GID4: variants seen among roughly 807,000 people sequenced by gnomAD.
GID4 encodes the protein GID complex subunit 4 homolog.
Under a neutral mutation model 32.4 loss-of-function variants are expected in GID4, and 7 were observed. The ratio of observed to expected loss-of-function variants is 0.22; its 90% CI spans 0.12 to 0.41. GID4 has a LOEUF of 0.41. GID4 is among the 10% of genes least tolerant of loss of function. The pLI is 1.00. For synonymous variants in GID4, 166 were observed against 170.0 expected (o/e 0.98, Z 0.18); for missense variants, 309 against 400.0 (o/e 0.77, Z 1.94).
At chr17:18,062,070 T>C in intron 5 of GID4, 95 bp downstream of exon 5, 2 of 1,189,712 alleles carry the variant, frequency 1.7e-6, no homozygotes, top group Non-Finnish European at 2.5e-6. Flanking sequence ...TCTTAGCCTG[T>C]CTCTGTATAG....
At chr17:18,055,456 G>T (rs1185599522) in intron 3 of GID4, among the ~76,000 whole-genome samples, 2 of 152,038 alleles carry the variant, frequency 1.3e-5, no homozygotes, top group Non-Finnish European at 2.9e-5. Flanking sequence ...CAGTTGCTTT[G>T]CTTACTAATG....
At chr17:18,051,257 T>C (rs755714158) in intron 2 of GID4, among the ~76,000 whole-genome samples, 3 of 152,102 alleles carry the variant, frequency 2.0e-5, no homozygotes, top group Non-Finnish European at 4.4e-5. Flanking sequence ...CCTCCTGTCT[T>C]GGCCCCCTAG....
rs920756486 is a variant in GID4 at position 18,065,766 on chromosome 17, A to G, written c.*523A>G. The G allele has an allele frequency of 3.2e-5, 6 of 190,462 alleles. No individual in the cohort carries two copies. Among genetic ancestry groups the G allele is most frequent in the African/African-American group, 1.4e-4 (6 of 42,070 alleles). 11.8% of individuals were successfully genotyped at this position (190,462 alleles called of 1,614,324 possible). On this transcript the variant is annotated 3_prime_UTR_variant, in exon 6 of 6. Coordinates refer to ENST00000268719, the MANE Select transcript of GID4 (RefSeq NM_024052.5). ...CATCATCGGCCACCAAGGGCACAAG[A>G]GGCGGAGGCTCCAGTCCCTGCTGGG... is the stretch of plus-strand genomic sequence containing the variant.
chr17:18,049,703 A>G (rs2044891805), intron 2 of GID4, among the ~76,000 whole-genome samples: 1 of 151,856 alleles, frequency 6.6e-6, no homozygotes, highest in Non-Finnish European at 1.5e-5. Flanking sequence ...CAGTGGTGCA[A>G]TATCTGCTCA....
rs545542437 is a variant in GID4, at chr17:18,065,770, G to A, written c.*527G>A. On this transcript the variant is annotated 3_prime_UTR_variant, in exon 6 of 6. Coordinates refer to ENST00000268719, the MANE Select transcript of GID4 (RefSeq NM_024052.5). ...ATCGGCCACCAAGGGCACAAGAGGCGGAGGCTCCAGTCCCTGCTGGGCTGC... is the reference window on the plus strand; with the variant it reads ...ATCGGCCACCAAGGGCACAAGAGGCAGAGGCTCCAGTCCCTGCTGGGCTGC... The A allele has an allele frequency of 6.3e-5, 12 of 189,930 alleles. No homozygotes were observed. Among genetic ancestry groups the A allele is most frequent in the African/African-American group, 2.1e-4 (9 of 42,160 alleles). 11.8% of individuals were successfully genotyped at this position (189,930 alleles called of 1,614,324 possible).
intron 3 of GID4, 82 bp from the exon 4 acceptor site, chr17:18,058,785 GT>G: frequency 1.1e-6 from 1 of 879,330 alleles, no homozygotes. Flanking sequence ...GGGAAGGTGA[GT>G]TTACCTGGGC....
intron 1 of GID4, among the ~76,000 whole-genome samples, chr17:18,042,604 A>C (rs1414284654): frequency 1.3e-5 from 2 of 152,256 alleles, no homozygotes; most frequent in Non-Finnish European, 1.5e-5. Flanking sequence ...GCTACTATGA[A>C]TAATACTGCT....
At position 18,057,941 on chromosome 17, in the gene GID4, C is replaced by T. The variant is rs551922668; in HGVS notation, c.607-927C>T. 2.0e-5 allele frequency among the ~76,000 whole-genome samples: 3 copies of T among 152,156 alleles called. No individual in the cohort carries two copies. In the East Asian group the frequency reaches 5.8e-4, roughly 29 times the overall value. On this transcript the variant is annotated intron_variant, in intron 3 of 5. Coordinates refer to ENST00000268719, the MANE Select transcript of GID4 (RefSeq NM_024052.5). ...CTCCGCCTCCCGGGTTCACGCCATT[C>T]TCCTCCTCAGCCTCCCAAGTAGCTG...
At chr17:18,048,310 C>T (rs770496452) in intron 2 of GID4, among the ~76,000 whole-genome samples, 72 of 152,158 alleles carry the variant, frequency 4.7e-4, no homozygotes, top group Admixed American at 8.5e-4. Flanking sequence ...ATTCTCCTGC[C>T]TCAGCCTCCC....
chr17:18,049,429 T>TTTTG (rs1208043336), intron 2 of GID4, among the ~76,000 whole-genome samples: 8 of 151,972 alleles, frequency 5.3e-5, no homozygotes, highest in Non-Finnish European at 8.8e-5. Context: ...AGCACAGCTT[T>TTTTG]TTTGTTTGTT....
chr17:18,068,171 G>A lies in GID4; in HGVS notation c.*2928G>A, dbSNP rs2045085050. 1 of 152,536 alleles carries A rather than the reference G, an allele frequency of 6.6e-6. No individual in the cohort carries two copies. The highest frequency in any genetic ancestry group is 6.6e-5 in the Admixed American group (1 of 15,262). The allele number at this position is 152,536 out of a possible 1,614,324, so 9.4% of individuals were successfully genotyped here. On this transcript the variant is annotated 3_prime_UTR_variant, in exon 6 of 6. Coordinates refer to ENST00000268719, the MANE Select transcript of GID4 (RefSeq NM_024052.5). Reference sequence around the variant, plus strand: ...TTTTTAAAAAGAAATGCCATTAACTGTGTTGTATCGTGGTTTAAAATTACT... The same window carrying A: ...TTTTTAAAAAGAAATGCCATTAACTATGTTGTATCGTGGTTTAAAATTACT...
At chr17:18,058,696 A>G (rs1002034274) in intron 3 of GID4, among the ~76,000 whole-genome samples, 172 bp from the exon 4 acceptor site, 4 of 152,108 alleles carry the variant, frequency 2.6e-5, no homozygotes, top group South Asian at 2.1e-4. Context: ...TCTGCATTCA[A>G]TGGGGTGACC....
rs1009751407 is a variant in GID4, at chr17:18,067,066, C to T, written c.*1823C>T. 2.0e-5 allele frequency: 3 copies of T among 152,198 alleles called. No homozygotes were observed. Among genetic ancestry groups the T allele is most frequent in the African/African-American group, 7.2e-5 (3 of 41,434 alleles). The allele number at this position is 152,198 out of a possible 1,614,324, so 9.4% of individuals were successfully genotyped here. The stretch of plus-strand genomic sequence containing the variant: ...CAGAAGGGCTGGCTGTGGTCAAGCC[C>T]AGCTGCTGTCATGTGAGGAGATGCT... On this transcript the variant is annotated 3_prime_UTR_variant, in exon 6 of 6. Coordinates refer to ENST00000268719, the MANE Select transcript of GID4 (RefSeq NM_024052.5).
chr17:18,054,572 C>T (rs1259472486), intron 3 of GID4, among the ~76,000 whole-genome samples: 2 of 152,132 alleles, frequency 1.3e-5, no homozygotes, highest in South Asian at 2.1e-4. Context: ...ATCACCTCTG[C>T]TTGGGGAAAA....
intron 3 of GID4, among the ~76,000 whole-genome samples, chr17:18,056,275 G>T (rs1269224980): frequency 2.6e-5 from 4 of 152,206 alleles, no homozygotes; most frequent in Non-Finnish European, 4.4e-5. Flanking sequence ...TTTGATTGTT[G>T]TAGCAAATGG....
Position 18,039,418 on chromosome 17 carries a change from C to CTGTGTGTGTTTGTGTGT in GID4, c.-39_-23dup, listed in dbSNP as rs2044758735. On this transcript the variant is annotated 5_prime_UTR_variant, in exon 1 of 6. Transcript: ENST00000268719. This position sits in a 1 kb window ranked among gnomAD's most constrained non-coding sequence, Gnocchi z 5.3. ...CGGAAGGGGCGGGGTGTGTGTGTGT[C>CTGTGTGTGTTTGTGTGT]TGTGTGTGTTTGTGTGTTGTGTGTC... 6.3e-6 allele frequency: 8 copies of CTGTGTGTGTTTGTGTGT among 1,264,620 alleles called. No homozygotes were observed. The highest frequency in any genetic ancestry group is 8.4e-6 in the Non-Finnish European group (8 of 953,720). The allele number at this position is 1,264,620 out of a possible 1,614,324, so 78.3% of individuals were successfully genotyped here.
chr17:18,042,466 T>C (rs1465281520), intron 1 of GID4, among the ~76,000 whole-genome samples: 1 of 152,242 alleles, frequency 6.6e-6, no homozygotes, highest in Non-Finnish European at 1.5e-5. Context: ...CATATGGTAA[T>C]ATGTATCAGC....
intron 2 of GID4, among the ~76,000 whole-genome samples, chr17:18,046,637 T>G (rs920460885): frequency 6.8e-6 from 1 of 147,828 alleles, no homozygotes; most frequent in Non-Finnish European, 1.5e-5. Context: ...AAAAAAAAAT[T>G]GGGGTCGGGC....
chr17:18,050,215 G>A (rs1203760292), intron 2 of GID4, among the ~76,000 whole-genome samples: 2 of 152,176 alleles, frequency 1.3e-5, no homozygotes, highest in African/African-American at 2.4e-5. Flanking sequence ...ATAGTAGAAT[G>A]ATTTATACTC....
Sources: allele counts gnomAD v4.1 joint callset (sites outside exome capture counted in the v4.1 genomes callset), GRCh38; gene constraint gnomAD v4.1.1; non-coding constraint Gnocchi (gnomAD v3.1); transcripts MANE v1.5; gene names NCBI Gene and HGNC (gene_info 2026-07-23, HGNC 2026-07-21).